Variants in WLS observed in about 807,000 individuals in gnomAD.
WLS encodes the protein Wnt ligand secretion mediator, also known as protein wntless homolog.
WLS carries 23 observed loss-of-function variants against 62.8 expected under a neutral mutation model. The ratio of observed to expected loss-of-function variants is 0.37; its 90% confidence interval spans 0.26 to 0.52. The LOEUF (loss-of-function observed/expected upper bound fraction) is 0.52, where lower values mean the gene tolerates loss of function less well. Ranked by LOEUF, WLS falls within the 20% of genes least tolerant of loss-of-function variation. WLS has a pLI of 0.92. For missense variants in WLS, 615 were observed against 697.3 expected (o/e 0.88, Z 1.33); for synonymous variants, 246 against 244.1 (o/e 1.01, Z -0.07).
At chr1:68,201,003 C>G (rs912822783) in intron 1 of WLS, among the ~76,000 whole-genome samples, 2 of 152,056 alleles carry the variant, frequency 1.3e-5, no homozygotes, top group South Asian at 4.1e-4. Context: ...TCAAATGCCC[C>G]CAAAGTACTT....
intron 1 of WLS, among the ~76,000 whole-genome samples, chr1:68,197,330 C>T (rs1035579820): frequency 6.6e-6 from 1 of 151,924 alleles, no homozygotes; most frequent in South Asian, 2.1e-4. Context: ...AAAAAAAATC[C>T]CAGAAATACT....
At chr1:68,216,436 T>C (rs17130586) in intron 1 of WLS, among the ~76,000 whole-genome samples, 3,031 of 152,294 alleles carry the variant, frequency 0.02, 69 homozygotes, top group African/African-American at 0.044. Flanking sequence ...AGGTATCAGG[T>C]GTATCAGTGC....
chr1:68,196,116 C>A (rs1022506505), intron 1 of WLS, among the ~76,000 whole-genome samples: 1 of 151,218 alleles, frequency 6.6e-6, no homozygotes, highest in Admixed American at 6.6e-5. Flanking sequence ...AAATTTACAT[C>A]TTTTTGCTAG....
chr1:68,196,673 C>A (rs1040871230), intron 1 of WLS, among the ~76,000 whole-genome samples: 1 of 151,998 alleles, frequency 6.6e-6, no homozygotes, highest in African/African-American at 2.4e-5. Flanking sequence ...TTAATACTTA[C>A]CAGAAAACTC....
At chr1:68,198,270 G>A (rs1039521036) in intron 1 of WLS, among the ~76,000 whole-genome samples, 4 of 152,234 alleles carry the variant, frequency 2.6e-5, no homozygotes, top group Middle Eastern at 3.4e-3. Context: ...ATAGCCTTGG[G>A]AATATGCACA....
intron 1 of WLS, among the ~76,000 whole-genome samples, chr1:68,199,446 G>T (rs1488866090): frequency 1.3e-5 from 2 of 152,178 alleles, no homozygotes; most frequent in Admixed American, 1.3e-4. Context: ...TAATAGCCAA[G>T]GGAGAATGGG....
rs1646746232 is a variant in WLS, at chr1:68,145,870, T to A, written c.1277A>T (p.Glu426Val). 6.2e-7 allele frequency: 1 copy of A among 1,614,042 alleles called. No individual in the cohort carries two copies. Among genetic ancestry groups the A allele is most frequent in the Non-Finnish European group, 8.5e-7 (1 of 1,179,980 alleles). ...AMSKVRRLHY[E>V]GLIFRFKFLM... ...GAACGAGCCAAGAAATCTGCCCACC[T>A]CATAGTGTAGCCGCCGGACTTTGCT... Residue 426 changes from glutamate (E) to valine (V), a missense_variant and splice_region_variant, in exon 9 of 12, where the codon GAG becomes GTG. Glu to Val is a moderately radical substitution (Grantham distance 121, BLOSUM62 -2). Transcript: ENST00000262348.
intron 9 of WLS, among the ~76,000 whole-genome samples, chr1:68,145,249 CAGGAAT>C (rs1646737488): frequency 6.6e-6 from 1 of 152,162 alleles, no homozygotes; most frequent in African/African-American, 2.4e-5. Context: ...TCTTTTCATA[CAGGAAT>C]TAGGCTTGTT....
intron 1 of WLS, among the ~76,000 whole-genome samples, chr1:68,203,702 A>T (rs901639014): frequency 6.6e-6 from 1 of 152,206 alleles, no homozygotes; most frequent in South Asian, 2.1e-4. Context: ...CAGCGCTGCC[A>T]TGGAAGTCTA....
chr1:68,230,945 G>A (rs1218261851), intron 1 of WLS, among the ~76,000 whole-genome samples: 2 of 152,076 alleles, frequency 1.3e-5, no homozygotes, highest in East Asian at 3.9e-4. Flanking sequence ...CGGCGCCCCC[G>A]GGCGTTTTCC....
At chr1:68,228,321 A>G (rs1007039131) in intron 1 of WLS, 39 of 404,972 alleles carry the variant, frequency 9.6e-5, no homozygotes, top group Admixed American at 1.6e-4. Context: ...CAGTTTTAGA[A>G]GAGCTGAGAA....
At chr1:68,160,907 T>C (rs1185439835) in intron 2 of WLS, among the ~76,000 whole-genome samples, 2 of 152,176 alleles carry the variant, frequency 1.3e-5, no homozygotes, top group African/African-American at 4.8e-5. Flanking sequence ...TGCTCTTGTA[T>C]AAAATATCAC....
chr1:68,114,849 G>A (rs892491990), intron 11 of WLS, among the ~76,000 whole-genome samples: 10 of 152,230 alleles, frequency 6.6e-5, no homozygotes, highest in Non-Finnish European at 1.2e-4. Context: ...CCCTCTGGGG[G>A]TGCCACTTAG....
At chr1:68,121,083 TAAG>T (rs1002813804), downstream of WLS, 5 of 152,062 alleles carry the variant, frequency 3.3e-5, no homozygotes, top group African/African-American at 1.2e-4. Context: ...AGCAAAAAAG[TAAG>T]AAGTGAGTAT....
rs764714551 is a variant in WLS at position 68,155,223 on chromosome 1, A to T, written c.542T>A (p.Val181Asp). 2.4e-5 allele frequency: 38 copies of T among 1,613,762 alleles called. No homozygotes were observed. The highest frequency in any genetic ancestry group is 3.0e-5 in the Non-Finnish European group (35 of 1,179,892). Residue 181 changes from valine (V) to aspartate (D), a missense_variant, in exon 4 of 12, where the codon GTC (valine) becomes GAC (aspartate). Transcript: ENST00000262348. ...EHEGRYYECD[V>D]LPFMEIGSVA... ...AGACCCAATTTCCATGAAAGGAAGG[A>T]CATCACATTCATAGTAACGGCCCTC... is the stretch of plus-strand genomic sequence containing the variant.
chr1:68,186,564 G>C, intron 2 of WLS: 1 of 455,084 alleles, frequency 2.2e-6, no homozygotes, highest in South Asian at 1.6e-5. Context: ...TGTTACAGGT[G>C]AATCTCTGAT....
intron 1 of WLS, chr1:68,231,687 C>T (rs1375093050): frequency 2.2e-6 from 1 of 456,138 alleles, no homozygotes; most frequent in Admixed American, 2.4e-5. Context: ...CAAAGACGAC[C>T]AAATGCATTT....
chr1:68,107,143 C>T (rs1237002404), intron 11 of WLS, among the ~76,000 whole-genome samples: 2 of 152,098 alleles, frequency 1.3e-5, no homozygotes, highest in East Asian at 1.9e-4. Flanking sequence ...CAAAATTATG[C>T]ATACTATATT....
chr1:68,106,882 G>A (rs1262316975), intron 11 of WLS, among the ~76,000 whole-genome samples: 1 of 152,128 alleles, frequency 6.6e-6, no homozygotes, highest in East Asian at 1.9e-4. Flanking sequence ...AAAACAATGT[G>A]CTTTGGACAC....
Sources: allele counts gnomAD v4.1 joint callset (sites outside exome capture counted in the v4.1 genomes callset), GRCh38; gene constraint gnomAD v4.1.1; transcripts MANE v1.5; gene names NCBI Gene and HGNC (gene_info 2026-07-23, HGNC 2026-07-21).